The following SUPT5H variants were observed in gnomAD, a reference collection of about 807,000 sequenced individuals.
SUPT5H encodes SPT5 homolog, DSIF elongation factor subunit, also known as transcription elongation factor SPT5.
A neutral mutation model predicts 142.5 loss-of-function variants in SUPT5H; 24 were observed. The ratio of observed to expected loss-of-function variants is 0.17; its 90% CI spans 0.12 to 0.24. The LOEUF (loss-of-function observed/expected upper bound fraction) is 0.24, where lower values mean the gene tolerates loss of function less well. Among genes scored for constraint, SUPT5H ranks in the 10% least tolerant of loss-of-function variants. The pLI, the probability that SUPT5H is intolerant of heterozygous loss-of-function variation, is 1.00. For missense variants in SUPT5H, 893 were observed against 1,471.8 expected (o/e 0.61, Z 6.43); for synonymous variants, 546 against 553.0 (o/e 0.99, Z 0.18).
Position 39,459,172 on chromosome 19 carries a change from T to C in SUPT5H, c.459-12T>C. On this transcript the variant is annotated splice_polypyrimidine_tract_variant and intron_variant, in intron 7 of 29. Transcript: ENST00000432763. Reference sequence around the variant, plus strand: ...GAGCTTCACCCCTTCCTGACTGCCCTCCTCCCTTCAGGGTGTATGGAGGAT... The same window carrying C: ...GAGCTTCACCCCTTCCTGACTGCCCCCCTCCCTTCAGGGTGTATGGAGGAT... The C allele has an allele frequency of 6.2e-7, 1 of 1,603,322 alleles. No individual in the cohort carries two copies. Among genetic ancestry groups the C allele is most frequent in the Admixed American group, 1.7e-5 (1 of 57,522 alleles).
rs773299866 is a variant in SUPT5H at position 39,469,430 on chromosome 19, G to A, written c.1374+32G>A. On this transcript the variant is annotated intron_variant, in intron 16 of 29. Transcript: ENST00000432763. The surrounding 1 kb of genome is among the most constrained non-coding windows in gnomAD (Gnocchi z 5.1). ...GCCCGGTGTTCTCGGGCAGGGGTTG[G>A]AGTGTTCAGGCACATCTGACTGTAT... 1 of 1,614,026 alleles carries A rather than the reference G, an allele frequency of 6.2e-7. No homozygotes were observed. Among genetic ancestry groups the A allele is most frequent in the Admixed American group, 1.7e-5 (1 of 60,020 alleles).
chr19:39,470,047 A>G lies in SUPT5H; in HGVS notation c.1375-72A>G. ...TTTTTGAGAACATGCGTAGATTCTG[A>G]AGACAGGAGGGGCAGGCAGGTTGTG... On this transcript the variant is annotated intron_variant, in intron 16 of 29. Coordinates refer to ENST00000432763, the MANE Select transcript of SUPT5H (RefSeq NM_001111020.3). The surrounding 1 kb of genome is among the most constrained non-coding windows in gnomAD (Gnocchi z 5.8). The G allele has an allele frequency of 6.4e-7, 1 of 1,558,120 alleles. No homozygotes were observed. The highest frequency in any genetic ancestry group is 1.8e-5 in the Admixed American group (1 of 55,692).
chr19:39,470,101 C>G lies in SUPT5H; in HGVS notation c.1375-18C>G. On this transcript the variant is annotated intron_variant, in intron 16 of 29. Coordinates refer to ENST00000432763, the MANE Select transcript of SUPT5H (RefSeq NM_001111020.3). The surrounding 1 kb of genome is among the most constrained non-coding windows in gnomAD (Gnocchi z 5.8). ...GTCTCCCTTCACCTGTTTGTTGTCCCCACACCCAATCCCCCAGGACATGTT... is the reference window on the plus strand; with the variant it reads ...GTCTCCCTTCACCTGTTTGTTGTCCGCACACCCAATCCCCCAGGACATGTT... 4 of 1,610,424 alleles carry G rather than the reference C, an allele frequency of 2.5e-6. No individual in the cohort carries two copies. Among genetic ancestry groups the G allele is most frequent in the Non-Finnish European group, 3.4e-6 (4 of 1,177,690 alleles).
intron 2 of SUPT5H, among the ~76,000 whole-genome samples, chr19:39,449,154 C>G (rs1209767172): frequency 6.6e-6 from 1 of 151,844 alleles, no homozygotes; most frequent in East Asian, 1.9e-4. Flanking sequence ...GTCTCCCTTA[C>G]AGAGATCTCA....
chr19:39,457,725 G>T lies in SUPT5H; in HGVS notation c.292G>T (p.Asp98Tyr). The T allele has an allele frequency of 6.2e-7, 1 of 1,614,112 alleles. No homozygotes were observed. Among genetic ancestry groups the T allele is most frequent in the Non-Finnish European group, 8.5e-7 (1 of 1,179,998 alleles). Reference protein sequence around the residue: ...DEDQWEDGAEDILEKEEIEAS... With the variant: ...DEDQWEDGAEYILEKEEIEAS... ...GGACCAGTGGGAGGATGGAGCAGAG[G>T]ACATTCTAGAGAAAGGTGTGTGTGA... Residue 98 changes from aspartate (D) to tyrosine (Y), a missense_variant, in exon 4 of 30, where the codon GAC becomes TAC. Physicochemically the swap from Asp to Tyr is radical, Grantham distance 160. This residue lies in a region of SUPT5H where 428 missense variants were observed against 763.5 expected (regional missense o/e 0.56). Transcript: ENST00000432763.
At chr19:39,462,916 C>T (rs1368123752) in intron 10 of SUPT5H, among the ~76,000 whole-genome samples, 7 of 145,870 alleles carry the variant, frequency 4.8e-5, no homozygotes, top group South Asian at 2.2e-4. Flanking sequence ...CTCGGCTCAC[C>T]GCAACCTGCA....
chr19:39,471,785 G>A, intron 20 of SUPT5H, 55 bp downstream of exon 20: 2 of 1,570,602 alleles, frequency 1.3e-6, no homozygotes, highest in Non-Finnish European at 1.7e-6. Flanking sequence ...AGCTCTCCAA[G>A]CCTCCTCTGG....
Position 39,466,739 on chromosome 19 carries a change from A to C in SUPT5H, c.1031A>C (p.Lys344Thr), listed in dbSNP as rs555459715. The change falls in exon 13 of 30, where the codon AAG (lysine) becomes ACG (threonine). Residue 344 changes from lysine (K) to threonine (T), a missense_variant. Lys to Thr is a moderately conservative substitution (Grantham distance 78). This residue lies in a region of SUPT5H where 428 missense variants were observed against 763.5 expected (regional missense o/e 0.56). Coordinates refer to ENST00000432763, the MANE Select transcript of SUPT5H (RefSeq NM_001111020.3). This position sits in a 1 kb window ranked among gnomAD's most constrained non-coding sequence, Gnocchi z 4.3. ...CCACAGAGGCTGTTTGATGCTGAGAAGATCAGGTGCGTGTCCTTGGGGACT... is the reference window on the plus strand; with the variant it reads ...CCACAGAGGCTGTTTGATGCTGAGACGATCAGGTGCGTGTCCTTGGGGACT... ...RPPQRLFDAE[K>T]IRSLGGDVAS... is the part of the protein sequence containing the mutation. The C allele has an allele frequency of 6.2e-7, 1 of 1,614,226 alleles. No individual in the cohort carries two copies. Among genetic ancestry groups the C allele is most frequent in the South Asian group, 1.1e-5 (1 of 91,082 alleles).
chr19:39,466,849 C>CTG lies in SUPT5H; in HGVS notation c.1037+107_1037+108dup. On this transcript the variant is annotated intron_variant, in intron 13 of 29. Coordinates refer to ENST00000432763, the MANE Select transcript of SUPT5H (RefSeq NM_001111020.3). This position sits in a 1 kb window ranked among gnomAD's most constrained non-coding sequence, Gnocchi z 4.3. ...GGGGTGGCCCCGCCACAGGTTTAGC[C>CTG]TGTGAATTGGTTAGCTTGGCAGTAT... 1 of 1,119,062 alleles carries CTG rather than the reference C, an allele frequency of 8.9e-7. No homozygotes were observed. The allele number at this position is 1,119,062 out of a possible 1,614,324, so 69.3% of individuals were successfully genotyped here.
Position 39,470,614 on chromosome 19 carries a change from A to C in SUPT5H, c.1677+91A>C. ...TCCTGGGAGGTGGCAGAGCCCCCAGACTGCTCTGGGTTGCAGATCTGGCTC... is the reference window on the plus strand; with the variant it reads ...TCCTGGGAGGTGGCAGAGCCCCCAGCCTGCTCTGGGTTGCAGATCTGGCTC... On this transcript the variant is annotated intron_variant, in intron 18 of 29. Transcript: ENST00000432763. This position sits in a 1 kb window ranked among gnomAD's most constrained non-coding sequence, Gnocchi z 5.8. The C allele has an allele frequency of 7.1e-7, 1 of 1,411,622 alleles. No homozygotes were observed. The highest frequency in any genetic ancestry group is 1.6e-5 in the South Asian group (1 of 62,838). The allele number at this position is 1,411,622 out of a possible 1,614,324, so 87.4% of individuals were successfully genotyped here.
At position 39,473,513 on chromosome 19, in the gene SUPT5H, G is replaced by A. The variant is rs767184029; in HGVS notation, c.2484G>A (p.Thr828=). 1.8e-5 allele frequency: 29 copies of A among 1,609,994 alleles called. No homozygotes were observed. The South Asian group carries it at 2.6e-4, about 15-fold the overall frequency. Residue 828 remains threonine, a synonymous_variant, in exon 25 of 30, where the codon ACG becomes ACA. Transcript: ENST00000432763. The surrounding 1 kb of genome is among the most constrained non-coding windows in gnomAD (Gnocchi z 5.8). The part of the protein sequence containing the change: ...SGAWDPNNPN[T]PSRAEEEYEY... ...CCTGGGACCCCAACAACCCCAACAC[G>A]CCGTCACGGTGAGTCCAGGGTTCCC...
chr19:39,469,745 G>A lies in SUPT5H; in HGVS notation c.1374+347G>A. On this transcript the variant is annotated intron_variant, in intron 16 of 29. Coordinates refer to ENST00000432763, the MANE Select transcript of SUPT5H (RefSeq NM_001111020.3). This position sits in a 1 kb window ranked among gnomAD's most constrained non-coding sequence, Gnocchi z 5.1. ...GCGGGGTGTGTGTTTGTCTGTGTCT[G>A]GTGTATGTCTGAGGGGTTGTGCAGG... 1 of 490,032 alleles carries A rather than the reference G, an allele frequency of 2.0e-6. No homozygotes were observed. 30.4% of individuals were successfully genotyped at this position (490,032 alleles called of 1,614,324 possible). A position where few individuals can be genotyped will look rare whatever the true frequency, so the allele number is the denominator to read the frequency against.
In SUPT5H at chr19:39,474,221, C is replaced by T. The variant is rs566552783; in HGVS notation, c.2652-13C>T. 4.3e-6 allele frequency: 7 copies of T among 1,614,070 alleles called. No homozygotes were observed. Among genetic ancestry groups the T allele is most frequent in the East Asian group, 2.2e-5 (1 of 44,880 alleles). ...TCCTCCAACAAATGCCCCCTTCTCT[C>T]CTGTCTCTGCAGGTACAACACAGAC... is the stretch of plus-strand genomic sequence containing the variant. On this transcript the variant is annotated splice_polypyrimidine_tract_variant and intron_variant, in intron 26 of 29. Transcript: ENST00000432763. This position sits in a 1 kb window ranked among gnomAD's most constrained non-coding sequence, Gnocchi z 6.5.
chr19:39,447,238 A>G (rs1215582241), intron 2 of SUPT5H, among the ~76,000 whole-genome samples: 1 of 152,172 alleles, frequency 6.6e-6, no homozygotes, highest in East Asian at 1.9e-4. Context: ...ATGAGAGCCA[A>G]GTCATATAGG....
chr19:39,453,714 G>C (rs1363933371), intron 3 of SUPT5H, among the ~76,000 whole-genome samples, 193 bp downstream of exon 3: 1 of 152,106 alleles, frequency 6.6e-6, no homozygotes, highest in Non-Finnish European at 1.5e-5. Flanking sequence ...ACAGGCGCCC[G>C]CCACCACGCC....
In SUPT5H at chr19:39,457,668, G is replaced by A. The variant is rs200900123; in HGVS notation, c.242-7G>A. On this transcript the variant is annotated splice_polypyrimidine_tract_variant and splice_region_variant and intron_variant, in intron 3 of 29. Transcript: ENST00000432763. ...TTGCCACTTACCACTTGGCCTTTCCGTTTTAGATGTTGACGATGAGTATGA... is the reference window on the plus strand; with the variant it reads ...TTGCCACTTACCACTTGGCCTTTCCATTTTAGATGTTGACGATGAGTATGA... 6.7e-4 allele frequency: 1,089 copies of A among 1,613,386 alleles called. 21 individuals carry two copies. The South Asian group carries it at 0.01, about 15-fold the overall frequency.
At position 39,466,750 on chromosome 19, in the gene SUPT5H, G is replaced by A. The variant is rs1248494754; in HGVS notation, c.1037+5G>A. On this transcript the variant is annotated splice_donor_5th_base_variant and intron_variant, in intron 13 of 29. Coordinates refer to ENST00000432763, the MANE Select transcript of SUPT5H (RefSeq NM_001111020.3). The surrounding 1 kb of genome is among the most constrained non-coding windows in gnomAD (Gnocchi z 4.3). ...GTTTGATGCTGAGAAGATCAGGTGCGTGTCCTTGGGGACTGGCTGGGCTGG... is the reference window on the plus strand; with the variant it reads ...GTTTGATGCTGAGAAGATCAGGTGCATGTCCTTGGGGACTGGCTGGGCTGG... 1 of 1,614,118 alleles carries A rather than the reference G, an allele frequency of 6.2e-7. No homozygotes were observed. The highest frequency in any genetic ancestry group is 8.5e-7 in the Non-Finnish European group (1 of 1,179,972).
At chr19:39,464,742 T>A in intron 10 of SUPT5H, 56 bp from the exon 11 acceptor site, 1 of 1,538,552 alleles carries the variant, frequency 6.5e-7, no homozygotes, top group Non-Finnish European at 8.8e-7. Context: ...GGCAGTCATT[T>A]CTGTTATTAG....
intron 28 of SUPT5H, 136 bp from the exon 29 acceptor site, chr19:39,475,945 G>T: frequency 1.3e-6 from 1 of 775,740 alleles, no homozygotes. Flanking sequence ...TTGGAACCAG[G>T]CCCAGCCTTG....
Sources: allele counts gnomAD v4.1 joint callset (sites outside exome capture counted in the v4.1 genomes callset), GRCh38; gene constraint gnomAD v4.1.1; regional missense constraint gnomAD v4.1.1; non-coding constraint Gnocchi (gnomAD v3.1); transcripts MANE v1.5; gene names NCBI Gene and HGNC (gene_info 2026-07-23, HGNC 2026-07-21).